Variants in MYBPC3 observed in about 807,000 individuals in gnomAD.
The protein encoded by MYBPC3 is myosin-binding protein C, cardiac-type.
MYBPC3 carries 108 observed loss-of-function variants against 159.3 expected under a neutral mutation model. The observed-to-expected ratio is 0.68, with a 90% CI of 0.58 to 0.80. MYBPC3 has a LOEUF of 0.80. MYBPC3 is among the 30% of genes least tolerant of loss of function. The pLI, the probability that MYBPC3 is intolerant of heterozygous loss-of-function variation, is 0.00. For synonymous variants in MYBPC3, 730 were observed against 702.0 expected, an observed-to-expected ratio of 1.04 and a Z score of -0.63; for missense variants, 1,631 against 1,762.1, an observed-to-expected ratio of 0.93 and a Z score of 1.33.
At chr11:47,342,232 G>T in intron 17 of MYBPC3, 76 bp from the exon 18 acceptor site, 2 of 1,531,664 alleles carry the variant, frequency 1.3e-6, no homozygotes, top group Non-Finnish European at 8.8e-7. Flanking sequence ...GGGCGTGTGG[G>T]CCCATGGGCG....
rs2095879689 is a variant in MYBPC3, at chr11:47,333,729, G to A, written c.3018C>T (p.Thr1006=). The A allele has an allele frequency of 6.2e-7, 1 of 1,604,914 alleles. No individual in the cohort carries two copies. Among genetic ancestry groups the A allele is most frequent in the African/African-American group, 1.3e-5 (1 of 75,004 alleles). Reference sequence around the variant, plus strand: ...CCAGGGGCTGCCCCTCTTTGGTCCAGGTCACCTGAGGCCGGGGCTTGCCCT... The same window carrying A: ...CCAGGGGCTGCCCCTCTTTGGTCCAAGTCACCTGAGGCCGGGGCTTGCCCT... The part of the protein sequence containing the change: ...PFQGKPRPQV[T]WTKEGQPLAG... The change falls in exon 29 of 35, where the codon ACC becomes ACT. Residue 1006 remains threonine (T), a synonymous_variant. Coordinates refer to ENST00000545968, the MANE Select transcript of MYBPC3 (RefSeq NM_000256.3).
At chr11:47,348,248 C>T (rs545885226) in intron 6 of MYBPC3, among the ~76,000 whole-genome samples, 176 bp downstream of exon 6, 23 of 152,318 alleles carry the variant, frequency 1.5e-4, no homozygotes, top group South Asian at 6.2e-4. Flanking sequence ...TAAGCCCCCA[C>T]GCCTACCCTG....
In MYBPC3 at chr11:47,348,444, T is replaced by A. The variant is rs368588523; in HGVS notation, c.752A>T (p.Asn251Ile). Residue 251 changes from asparagine (N) to isoleucine (I), a missense_variant, in exon 6 of 35, where the codon AAC becomes ATC. Transcript: ENST00000545968. ...VSTKDKFDCS[N>I]FNLTVHEAMG... ...CTCACCGTGGACAGTGAGATTGAAG[T>A]TGGAGCAGTCAAATTTGTCCTTGGT... 1.1e-5 allele frequency: 17 copies of A among 1,612,538 alleles called. No individual in the cohort carries two copies. In the African/African-American group the frequency reaches 1.9e-4, roughly 18 times the overall value.
In MYBPC3 at chr11:47,352,655, G is replaced by A; in HGVS notation, c.-8C>T. The A allele has an allele frequency of 1.3e-6, 2 of 1,593,272 alleles. No homozygotes were observed. The highest frequency in any genetic ancestry group is 1.7e-6 in the Non-Finnish European group (2 of 1,169,966). ...CTTCCCCGGCTCAGGCATCCTGAGA[G>A]ACGTCACACCAGGCACGAAGCAGGC... On this transcript the variant is annotated 5_prime_UTR_variant, in exon 1 of 35. Transcript: ENST00000545968.
chr11:47,343,133 C>T lies in MYBPC3; in HGVS notation c.1239G>A (p.Glu413=), dbSNP rs1218637902. ...TCAGGGTACGCTTGGCACCGATGGACTCAAAGATGTACCTGGGTGGGGGCC... is the reference window on the plus strand; with the variant it reads ...TCAGGGTACGCTTGGCACCGATGGATTCAAAGATGTACCTGGGTGGGGGCC... ...IQMSGSKYIF[E]SIGAKRTLTI... is the part of the protein sequence containing the mutation. The change falls in exon 15 of 35, where the codon GAG becomes GAA. Residue 413 remains glutamate, a synonymous_variant. Coordinates refer to ENST00000545968, the MANE Select transcript of MYBPC3 (RefSeq NM_000256.3). 2 of 1,611,482 alleles carry T rather than the reference C, an allele frequency of 1.2e-6. No individual in the cohort carries two copies. The highest frequency in any genetic ancestry group is 2.2e-5 in the South Asian group (2 of 90,552).
In MYBPC3 at chr11:47,332,530, C is replaced by G; in HGVS notation, c.3627+36G>C. On this transcript the variant is annotated intron_variant, in intron 32 of 34. Coordinates refer to ENST00000545968, the MANE Select transcript of MYBPC3 (RefSeq NM_000256.3). The surrounding 1 kb of genome is among the most constrained non-coding windows in gnomAD (Gnocchi z 4.2). ...ACGTCGGGGCCTGTGAGCCCTGCCTCCTGGTCGGCCTGGACCAGCGCCTAA... is the reference window on the plus strand; with the variant it reads ...ACGTCGGGGCCTGTGAGCCCTGCCTGCTGGTCGGCCTGGACCAGCGCCTAA... The G allele has an allele frequency of 6.3e-7, 1 of 1,587,456 alleles. No homozygotes were observed. Among genetic ancestry groups the G allele is most frequent in the Non-Finnish European group, 8.6e-7 (1 of 1,163,842 alleles).
rs755395628 is a variant in MYBPC3 at position 47,351,211 on chromosome 11, C to T, written c.292+28G>A. ...GCTGCCCCTCCCCCAGCAGCCCAAA[C>T]CTCAGGGAAGGCTGATCAGGATCTT... On this transcript the variant is annotated intron_variant, in intron 2 of 34. Transcript: ENST00000545968. This position sits in a 1 kb window ranked among gnomAD's most constrained non-coding sequence, Gnocchi z 4.2. 6.8e-6 allele frequency: 9 copies of T among 1,319,206 alleles called. No homozygotes were observed. The South Asian group carries it at 1.2e-4, about 18-fold the overall frequency. 81.7% of individuals were successfully genotyped at this position (1,319,206 alleles called of 1,614,324 possible).
At chr11:47,342,969 C>G (rs1429952795) in intron 15 of MYBPC3, 34 bp from the exon 16 acceptor site, 1 of 1,611,956 alleles carries the variant, frequency 6.2e-7, no homozygotes, top group Non-Finnish European at 8.5e-7. Flanking sequence ...GGGTTGGCTC[C>G]CCTGAGGCCA....
At position 47,349,935 on chromosome 11, in the gene MYBPC3, G is replaced by A. The variant is rs1468299617; in HGVS notation, c.506-13C>T. 1 of 1,461,038 alleles carries A rather than the reference G, an allele frequency of 6.8e-7. No homozygotes were observed. Among genetic ancestry groups the A allele is most frequent in the Non-Finnish European group, 9.1e-7 (1 of 1,103,836 alleles). 90.5% of individuals were successfully genotyped at this position (1,461,038 alleles called of 1,614,324 possible). A position where few individuals can be genotyped will look rare whatever the true frequency, so the allele number is the denominator to read the frequency against. ...GTGATGCTGCCACCTGCAAAGGCAG[G>A]GGCGACAGGCCCGGCTTGGGGAGTG... On this transcript the variant is annotated splice_polypyrimidine_tract_variant and intron_variant, in intron 4 of 34. Coordinates refer to ENST00000545968, the MANE Select transcript of MYBPC3 (RefSeq NM_000256.3).
Position 47,348,488 on chromosome 11 carries a change from G to C in MYBPC3, c.708C>G (p.Ser236Arg). 6.2e-7 allele frequency: 1 copy of C among 1,613,584 alleles called. No individual in the cohort carries two copies. The highest frequency in any genetic ancestry group is 8.5e-7 in the Non-Finnish European group (1 of 1,179,742). Residue 236 changes from serine (S) to arginine (R), a missense_variant, in exon 6 of 35, where the codon AGC becomes AGG. By Grantham distance (110) the Ser-to-Arg change is moderately radical (BLOSUM62 -1). Coordinates refer to ENST00000545968, the MANE Select transcript of MYBPC3 (RefSeq NM_000256.3). Reference sequence around the variant, plus strand: ...CCTTGGTGGACACCTCACAGCGGTAGCTGCCAGTGAAGGCAGGCTGGGCAT... The same window carrying C: ...CCTTGGTGGACACCTCACAGCGGTACCTGCCAGTGAAGGCAGGCTGGGCAT... The part of the protein sequence containing the change: ...ITDAQPAFTG[S>R]YRCEVSTKDK...
intron 27 of MYBPC3, 71 bp from the exon 28 acceptor site, chr11:47,334,081 C>T: frequency 7.0e-7 from 1 of 1,427,988 alleles, no homozygotes; most frequent in African/African-American, 1.4e-5. Flanking sequence ...CTCCAACCTC[C>T]CTTGAGACAA....
chr11:47,346,086 G>C lies in MYBPC3; in HGVS notation c.1090+121C>G. 1 of 1,353,850 alleles carries C rather than the reference G, an allele frequency of 7.4e-7. No homozygotes were observed. 83.9% of individuals were successfully genotyped at this position (1,353,850 alleles called of 1,614,324 possible). ...TCTTTCCATGTATGTGGACGAGGTGGGGGGCTAACCTGTGCCCTCTCCTCT... is the reference window on the plus strand; with the variant it reads ...TCTTTCCATGTATGTGGACGAGGTGCGGGGCTAACCTGTGCCCTCTCCTCT... On this transcript the variant is annotated intron_variant, in intron 12 of 34. Coordinates refer to ENST00000545968, the MANE Select transcript of MYBPC3 (RefSeq NM_000256.3). The surrounding 1 kb of genome is among the most constrained non-coding windows in gnomAD (Gnocchi z 5.3).
rs10769255 is a variant in MYBPC3 at position 47,345,820 on chromosome 11, C to T, written c.1090+387G>A. Among the ~76,000 whole-genome samples, 25,086 of 152,072 alleles carry T rather than the reference C, an allele frequency of 0.16. 3,114 individuals are homozygous for T. The highest frequency in any genetic ancestry group is 0.58 in the East Asian group (2,977 of 5,144). On this transcript the variant is annotated intron_variant, in intron 12 of 34. Coordinates refer to ENST00000545968, the MANE Select transcript of MYBPC3 (RefSeq NM_000256.3). ...TTCTTTTGGGTGTGGAGAGGGTTAACCGGGCTTCATTTCTTTTCAGAAGAG... is the reference window on the plus strand; with the variant it reads ...TTCTTTTGGGTGTGGAGAGGGTTAATCGGGCTTCATTTCTTTTCAGAAGAG...
In MYBPC3 at chr11:47,343,547, G is replaced by T. The variant is rs1182072704; in HGVS notation, c.1168C>A (p.His390Asn). 1.2e-6 allele frequency: 2 copies of T among 1,611,426 alleles called. No individual in the cohort carries two copies. Among genetic ancestry groups the T allele is most frequent in the Non-Finnish European group, 1.7e-6 (2 of 1,179,044 alleles). ...KIRLTVELAD[H>N]DAEVKWLKNG... ...TTGAGCCATTTGACCTCAGCGTCATGGTCAGCCAGTTCCACGGTCAGCCGG... is the reference window on the plus strand; with the variant it reads ...TTGAGCCATTTGACCTCAGCGTCATTGTCAGCCAGTTCCACGGTCAGCCGG... The change falls in exon 13 of 35, where the codon CAT (histidine) becomes AAT (asparagine). Residue 390 changes from histidine (H) to asparagine (N), a missense_variant. Physicochemically the swap from His to Asn is moderately conservative, Grantham distance 68 (BLOSUM62 1). Transcript: ENST00000545968.
In MYBPC3 at chr11:47,346,343, C is replaced by T. The variant is rs1435724290; in HGVS notation, c.954G>A (p.Glu318=). ...GCCGTAGGATCTCCCACACGTCCTC[C>T]TCTGCTGGTGCCTCCAGCTTCGAGT... ...PRDSKLEAPA[E]EDVWEILRQA... The change falls in exon 12 of 35, where the codon GAG becomes GAA. Residue 318 remains glutamate, a synonymous_variant. Coordinates refer to ENST00000545968, the MANE Select transcript of MYBPC3 (RefSeq NM_000256.3). The surrounding 1 kb of genome is among the most constrained non-coding windows in gnomAD (Gnocchi z 5.3). The T allele has an allele frequency of 3.1e-6, 5 of 1,604,782 alleles. No individual in the cohort carries two copies. The highest frequency in any genetic ancestry group is 1.7e-5 in the Admixed American group (1 of 58,806).
chr11:47,348,808 G>C (rs1035529132), intron 5 of MYBPC3, among the ~76,000 whole-genome samples: 1 of 150,124 alleles, frequency 6.7e-6, no homozygotes. Context: ...GGGAGGCTGA[G>C]GTGGGAGAAT....
rs1337270901 is a variant in MYBPC3, at chr11:47,338,179, C to T, written c.2308+341G>A. The stretch of plus-strand genomic sequence containing the variant: ...CCAAAAGGCCCTTTCCCTCCTCCAC[C>T]CCTTTGTACACAGTTTCCTCTGCCT... On this transcript the variant is annotated intron_variant, in intron 23 of 34. Coordinates refer to ENST00000545968, the MANE Select transcript of MYBPC3 (RefSeq NM_000256.3). The surrounding 1 kb of genome is among the most constrained non-coding windows in gnomAD (Gnocchi z 4.7). Among the ~76,000 whole-genome samples the T allele has an allele frequency of 6.6e-6, 1 of 152,096 alleles. No homozygotes were observed. The highest frequency in any genetic ancestry group is 1.5e-5 in the Non-Finnish European group (1 of 68,016).
chr11:47,348,404 A>G lies in MYBPC3; in HGVS notation c.772+20T>C. ...CCCATGGGGAGCCCGAGCCCAGGAC[A>G]GACACCAGGGCCCCCTCACCGTGGA... On this transcript the variant is annotated intron_variant, in intron 6 of 34. Coordinates refer to ENST00000545968, the MANE Select transcript of MYBPC3 (RefSeq NM_000256.3). The G allele has an allele frequency of 1.9e-6, 3 of 1,568,058 alleles. No individual in the cohort carries two copies. Among genetic ancestry groups the G allele is most frequent in the Non-Finnish European group, 1.7e-6 (2 of 1,143,630 alleles).
rs2095895653 is a variant in MYBPC3, at chr11:47,347,659, C to A, written c.843G>T (p.Arg281=). 4 of 1,573,874 alleles carry A rather than the reference C, an allele frequency of 2.5e-6. No individual in the cohort carries two copies. Among genetic ancestry groups the A allele is most frequent in the Non-Finnish European group, 3.4e-6 (4 of 1,160,098 alleles). Residue 281 remains arginine, a synonymous_variant, in exon 8 of 35, where the codon CGG becomes CGT. Transcript: ENST00000545968. ...GCCTGGGGCAGGGGTACCTGATCCG[C>A]CGACCACCTCCAGCCAGGCTCCTGT... The part of the protein sequence containing the change: ...FRRTSLAGGG[R]RISDSHEDTG...
Sources: gnomAD v4.1 joint callset for allele counts (sites outside exome capture counted in the v4.1 genomes callset) on GRCh38, gnomAD v4.1.1 for gene constraint, Gnocchi (gnomAD v3.1) non-coding constraint, MANE v1.5 for transcripts, NCBI Gene and HGNC (gene_info 2026-07-23, HGNC 2026-07-21) for gene names.